SYNE1: variants seen among roughly 807,000 people sequenced by gnomAD.
SYNE1 encodes the protein spectrin repeat containing nuclear envelope protein 1, also known as nesprin-1.
Under a neutral mutation model 1,111.0 loss-of-function variants are expected in SYNE1, and 616 were observed. The observed-to-expected ratio is 0.55, with a 90% CI of 0.52 to 0.59. The LOEUF (loss-of-function observed/expected upper bound fraction) is 0.59, where lower values mean the gene tolerates loss of function less well. SYNE1 is among the 20% of genes least tolerant of loss of function. The pLI is 0.00. For synonymous variants in SYNE1, 3,855 were observed against 3,825.8 expected (o/e 1.01, Z -0.28); for missense variants, 10,006 against 10,417.0 (o/e 0.96, Z 1.72).
At chr6:152,291,370 T>C (rs1173692494) in intron 95 of SYNE1, among the ~76,000 whole-genome samples, 1 of 151,718 alleles carries the variant, frequency 6.6e-6, no homozygotes, top group Non-Finnish European at 1.5e-5. Flanking sequence ...ACCTCCTTAC[T>C]GCTGTGATGG....
chr6:152,413,173 C>A (rs1336648121), intron 42 of SYNE1, among the ~76,000 whole-genome samples, 179 bp downstream of exon 42: 5 of 152,128 alleles, frequency 3.3e-5, no homozygotes, highest in Non-Finnish European at 7.3e-5. Flanking sequence ...CTCAAAGCAA[C>A]CTTCTCAATA....
At chr6:152,565,771 T>C (rs948667849) in intron 3 of SYNE1, among the ~76,000 whole-genome samples, 1 of 152,200 alleles carries the variant, frequency 6.6e-6, no homozygotes, top group Admixed American at 6.5e-5. Flanking sequence ...GGATTTCTTG[T>C]CCTTTTCAAT....
intron 4 of SYNE1, among the ~76,000 whole-genome samples, chr6:152,536,910 T>C (rs935529520): frequency 6.6e-6 from 1 of 152,070 alleles, no homozygotes; most frequent in Non-Finnish European, 1.5e-5. Flanking sequence ...GTTAAATAAA[T>C]AAGAGATAAA....
At chr6:152,234,241 C>T (rs2083454758) in intron 111 of SYNE1, among the ~76,000 whole-genome samples, 1 of 152,190 alleles carries the variant, frequency 6.6e-6, no homozygotes, top group Non-Finnish European at 1.5e-5. Context: ...AATATATTCT[C>T]TATAGCTTAG....
rs141716975 is a variant in SYNE1, at chr6:152,148,069, G to A, written c.24952C>T (p.Leu8318Phe). The A allele has an allele frequency of 5.7e-3, 9,275 of 1,614,084 alleles. 34 individuals are homozygous for A. Among genetic ancestry groups the A allele is most frequent in the Non-Finnish European group, 6.4e-3 (7,604 of 1,180,008 alleles). Residue 8318 changes from leucine to phenylalanine, a missense_variant, in exon 137 of 146, where the codon CTC becomes TTC. Around this residue, in one of 7 missense-constraint regions of SYNE1, gnomAD observed 761 missense variants for 795.5 expected, o/e 0.96. Transcript: ENST00000367255. The surrounding 1 kb of genome is among the most constrained non-coding windows in gnomAD (Gnocchi z 4.1). Reference protein sequence around the residue: ...EEGQDDKDFYLRGAVGLSGDH... With the variant: ...EEGQDDKDFYFRGAVGLSGDH... ...CCTGATAAGCCAACAGCTCCCCGGAGGTAGAAATCTTTGTCATCCTGACCT... is the reference window on the plus strand; with the variant it reads ...CCTGATAAGCCAACAGCTCCCCGGAAGTAGAAATCTTTGTCATCCTGACCT...
Position 152,428,415 on chromosome 6 carries a change from G to A in SYNE1, c.4789-23C>T, listed in dbSNP as rs374342019. The A allele has an allele frequency of 6.2e-6, 10 of 1,612,364 alleles. No individual in the cohort carries two copies. In the African/African-American group the frequency reaches 1.3e-4, roughly 22 times the overall value. On this transcript the variant is annotated intron_variant, in intron 36 of 145. Coordinates refer to ENST00000367255, the MANE Select transcript of SYNE1 (RefSeq NM_182961.4). Reference sequence around the variant, plus strand: ...ATCCTAAGAAGAGTGCGAGAAGAATGCAGTGAAAGCACAGGAGCCAACGAG... The same window carrying A: ...ATCCTAAGAAGAGTGCGAGAAGAATACAGTGAAAGCACAGGAGCCAACGAG...
intron 37 of SYNE1, among the ~76,000 whole-genome samples, 180 bp downstream of exon 37, chr6:152,428,025 T>A (rs993964429): frequency 6.6e-6 from 1 of 152,166 alleles, no homozygotes; most frequent in Non-Finnish European, 1.5e-5. Flanking sequence ...TAAAGACCCA[T>A]ATATATCCTC....
chr6:152,318,609 CATCA>C (rs2095794607), intron 85 of SYNE1, among the ~76,000 whole-genome samples: 1 of 152,202 alleles, frequency 6.6e-6, no homozygotes, highest in South Asian at 2.1e-4. Flanking sequence ...ATTCCTAAAT[CATCA>C]CTTAGTCCTT....
At chr6:152,390,586 C>T (rs1273887368) in intron 52 of SYNE1, 134 bp from the exon 53 acceptor site, 6 of 867,040 alleles carry the variant, frequency 6.9e-6, no homozygotes, top group African/African-American at 6.8e-5. Context: ...AAACTCTGGG[C>T]CCTATTGCAA....
At chr6:152,524,704 G>C (rs145935054) in intron 5 of SYNE1, among the ~76,000 whole-genome samples, 418 of 152,272 alleles carry the variant, frequency 2.7e-3, no homozygotes, top group African/African-American at 9.7e-3. Context: ...ATGAGGATGT[G>C]TGGAGAGCGA....
chr6:152,353,771 A>G (rs1283276749), intron 67 of SYNE1, 27 bp from the exon 68 acceptor site: 1 of 1,612,846 alleles, frequency 6.2e-7, no homozygotes, highest in Non-Finnish European at 8.5e-7. Context: ...TCGAAGGGAA[A>G]GATTCAATCT....
chr6:152,122,759 G>A (rs1013452239), intron 145 of SYNE1, 83 bp from the exon 146 acceptor site: 5 of 1,598,830 alleles, frequency 3.1e-6, no homozygotes, highest in Admixed American at 1.7e-5. Context: ...CTTCCTGGAA[G>A]CTAAAGGGCC....
chr6:152,396,408 T>C (rs907744021), intron 50 of SYNE1, among the ~76,000 whole-genome samples: 1 of 152,186 alleles, frequency 6.6e-6, no homozygotes, highest in Non-Finnish European at 1.5e-5. Flanking sequence ...CAGAATTCAA[T>C]CATTGTTTTC....
At chr6:152,422,744 A>G (rs1279807866) in intron 39 of SYNE1, among the ~76,000 whole-genome samples, 1 of 152,198 alleles carries the variant, frequency 6.6e-6, no homozygotes, top group East Asian at 1.9e-4. Context: ...CCCAGCCTTG[A>G]GCAATCCCCT....
At position 152,450,216 on chromosome 6, in the gene SYNE1, C is replaced by A. The variant is rs148154437; in HGVS notation, c.3395+409G>T. On this transcript the variant is annotated intron_variant, in intron 27 of 145. Coordinates refer to ENST00000367255, the MANE Select transcript of SYNE1 (RefSeq NM_182961.4). ...TTTTGCTCTGCACTTCCCCTTCCTG[C>A]CATCATGTGAAGAAGGACATGTTTG... 3.7e-3 allele frequency among the ~76,000 whole-genome samples: 570 copies of A among 152,316 alleles called. 6 individuals are homozygous for A. The highest frequency in any genetic ancestry group is 0.013 in the African/African-American group (549 of 41,568).
chr6:152,609,589 T>C (rs2128767075), intron 3 of SYNE1, among the ~76,000 whole-genome samples: 1 of 152,242 alleles, frequency 6.6e-6, no homozygotes, highest in East Asian at 1.9e-4. Context: ...GACTTAAATG[T>C]CCCTGTCTAA....
Position 152,230,734 on chromosome 6 carries a change from C to A in SYNE1, c.21040-32G>T, listed in dbSNP as rs374718301. The A allele has an allele frequency of 8.6e-5, 139 of 1,608,692 alleles. No homozygotes were observed. The African/African-American group carries it at 1.5e-3, about 18-fold the overall frequency. On this transcript the variant is annotated intron_variant, in intron 114 of 145. Coordinates refer to ENST00000367255, the MANE Select transcript of SYNE1 (RefSeq NM_182961.4). ...AAACACAATAAAATGAAATTTGCAA[C>A]TTTATTTTAATAAAATCAAATCATT...
chr6:152,529,320 C>T (rs1487094625), intron 4 of SYNE1, among the ~76,000 whole-genome samples: 1 of 152,140 alleles, frequency 6.6e-6, no homozygotes, highest in Non-Finnish European at 1.5e-5. Context: ...ATATATAATA[C>T]TTAAATGTGA....
intron 104 of SYNE1, among the ~76,000 whole-genome samples, chr6:152,253,516 A>T (rs529509682): frequency 2.6e-5 from 4 of 152,324 alleles, no homozygotes; most frequent in African/African-American, 9.6e-5. Context: ...GCAAAGTTAT[A>T]CAGCAGTAAG....
Sources: gnomAD v4.1 joint callset for allele counts (sites outside exome capture counted in the v4.1 genomes callset) on GRCh38, gnomAD v4.1.1 for gene constraint, gnomAD v4.1.1 regional missense constraint, Gnocchi (gnomAD v3.1) non-coding constraint, MANE v1.5 for transcripts, NCBI Gene and HGNC (gene_info 2026-07-23, HGNC 2026-07-21) for gene names.